The following DNAH5 variants were observed in gnomAD, a reference collection of about 807,000 sequenced individuals.
DNAH5 encodes dynein axonemal heavy chain 5, also known as axonemal beta dynein heavy chain 5.
A neutral mutation model predicts 518.2 loss-of-function variants in DNAH5; 372 were observed. The ratio of observed to expected loss-of-function variants is 0.72; its 90% CI spans 0.66 to 0.78. The LOEUF (loss-of-function observed/expected upper bound fraction) is 0.78. Among genes scored for constraint, DNAH5 ranks in the 30% least tolerant of loss-of-function variants. The pLI, the probability that DNAH5 is intolerant of heterozygous loss-of-function variation, is 0.00. For missense variants in DNAH5, 5,523 were observed against 5,687.0 expected, an observed-to-expected ratio of 0.97 and a Z score of 0.93; for synonymous variants, 2,039 against 2,025.9, an observed-to-expected ratio of 1.01 and a Z score of -0.17.
rs1489369415 is a variant in DNAH5 at position 13,737,309 on chromosome 5, C to T, written c.11398G>A (p.Glu3800Lys). ...RTAEEVTQKL[E>K]ISAETEVQIN... ...TGAACTTCTGTCTCAGCAGAAATTT[C>T]TAGCTTCTGTGTCACCTCCTCGGCT... The change falls in exon 66 of 79, where the codon GAA becomes AAA. Residue 3800 changes from glutamate (E) to lysine (K), a missense_variant. Around this residue, in one of 3 missense-constraint regions of DNAH5, gnomAD observed 5,121 missense variants for 5,223.3 expected, o/e 0.98. Transcript: ENST00000265104. 1 of 1,613,994 alleles carries T rather than the reference C, an allele frequency of 6.2e-7. No individual in the cohort carries two copies. Among genetic ancestry groups the T allele is most frequent in the Non-Finnish European group, 8.5e-7 (1 of 1,179,986 alleles).
intron 76 of DNAH5, among the ~76,000 whole-genome samples, chr5:13,702,917 C>T (rs1014436579): frequency 6.6e-6 from 1 of 152,018 alleles, no homozygotes; most frequent in Non-Finnish European, 1.5e-5. Context: ...GAGGCCAACC[C>T]TCTATCCTCC....
At chr5:13,894,427 A>T (rs1773652377) in intron 16 of DNAH5, among the ~76,000 whole-genome samples, 1 of 152,224 alleles carries the variant, frequency 6.6e-6, no homozygotes, top group Non-Finnish European at 1.5e-5. Context: ...AAATAAATGA[A>T]AATATGTGGT....
At chr5:13,864,871 G>C (rs1225627404) in intron 27 of DNAH5, among the ~76,000 whole-genome samples, 9 of 152,030 alleles carry the variant, frequency 5.9e-5, no homozygotes. Context: ...CTATTACCTA[G>C]TTAGAGGCAT....
intron 21 of DNAH5, among the ~76,000 whole-genome samples, chr5:13,881,435 A>G (rs1771669215): frequency 1.3e-5 from 2 of 152,056 alleles, no homozygotes; most frequent in Non-Finnish European, 2.9e-5. Context: ...AAATTACAAC[A>G]AATTTGATCT....
chr5:13,701,164 T>C (rs1468622742), intron 77 of DNAH5, 120 bp downstream of exon 77: 18 of 1,352,914 alleles, frequency 1.3e-5, no homozygotes, highest in Non-Finnish European at 1.9e-5. Flanking sequence ...ACAATGTAAC[T>C]GCTAGTACCA....
chr5:13,786,463 A>T, intron 51 of DNAH5, 112 bp from the exon 52 acceptor site: 2 of 1,120,312 alleles, frequency 1.8e-6, no homozygotes, highest in Non-Finnish European at 1.3e-6. Context: ...CATTCATTTT[A>T]AGCTAAATGC....
chr5:13,775,139 T>G (rs916305067), intron 55 of DNAH5, among the ~76,000 whole-genome samples: 2 of 151,454 alleles, frequency 1.3e-5, no homozygotes, highest in African/African-American at 2.4e-5. Flanking sequence ...TTTTGTTTTT[T>G]TTTTTTTTCA....
intron 35 of DNAH5, among the ~76,000 whole-genome samples, chr5:13,833,095 G>C (rs1278871473): frequency 1.5e-5 from 2 of 131,012 alleles, no homozygotes; most frequent in Non-Finnish European, 3.2e-5. Context: ...TGTTTAAGGA[G>C]AAACCAAAGA....
Position 13,707,174 on chromosome 5 carries a change from G to A in DNAH5, c.13338+949C>T, listed in dbSNP as rs754415099. 1.8e-4 allele frequency among the ~76,000 whole-genome samples: 27 copies of A among 152,334 alleles called. No individual in the cohort carries two copies. Among genetic ancestry groups the A allele is most frequent in the South Asian group, 6.2e-4 (3 of 4,830 alleles). ...CAGACACCGCTGACAGCGGGACGAC[G>A]TGGAATTTGCTCAGGCATGGTCAGA... On this transcript the variant is annotated intron_variant, in intron 76 of 78. Coordinates refer to ENST00000265104, the MANE Select transcript of DNAH5 (RefSeq NM_001369.3). The surrounding 1 kb of genome is among the most constrained non-coding windows in gnomAD (Gnocchi z 4.0).
At chr5:13,921,115 T>C (rs1777209119) in intron 5 of DNAH5, among the ~76,000 whole-genome samples, 1 of 152,204 alleles carries the variant, frequency 6.6e-6, no homozygotes, top group South Asian at 2.1e-4. Context: ...ACATGTAGAA[T>C]GCCAACAATT....
At chr5:13,760,049 A>AT (rs1001870839) in intron 60 of DNAH5, among the ~76,000 whole-genome samples, 14 of 152,158 alleles carry the variant, frequency 9.2e-5, no homozygotes, top group African/African-American at 3.1e-4. Flanking sequence ...CTGGTGGAAC[A>AT]TTTTTTCCTC....
intron 1 of DNAH5, among the ~76,000 whole-genome samples, chr5:13,994,656 C>T (rs1450666245): frequency 6.6e-6 from 1 of 152,164 alleles, no homozygotes; most frequent in Non-Finnish European, 1.5e-5. Flanking sequence ...GTCAAATAGT[C>T]TCTTCTGCTC....
intron 38 of DNAH5, among the ~76,000 whole-genome samples, chr5:13,826,141 G>A (rs1398372683): frequency 1.3e-5 from 2 of 152,170 alleles, no homozygotes; most frequent in Non-Finnish European, 2.9e-5. Flanking sequence ...TTAAATCTGT[G>A]GGCATGAAGG....
At chr5:13,737,063 G>A (rs1482698752) in intron 66 of DNAH5, among the ~76,000 whole-genome samples, 189 bp downstream of exon 66, 2 of 152,040 alleles carry the variant, frequency 1.3e-5, no homozygotes, top group Non-Finnish European at 2.9e-5. Flanking sequence ...CAAGTACCCA[G>A]GAAATTTATA....
At chr5:13,763,025 G>T in intron 59 of DNAH5, 124 bp from the exon 60 acceptor site, 1 of 852,160 alleles carries the variant, frequency 1.2e-6, no homozygotes, top group Non-Finnish European at 1.9e-6. Context: ...ATCATATTTT[G>T]TCACTATTTT....
In DNAH5 at chr5:13,922,001, T is replaced by C. The variant is rs554208405; in HGVS notation, c.660+106A>G. 5.1e-5 allele frequency: 64 copies of C among 1,252,274 alleles called. No individual in the cohort carries two copies. The South Asian group carries it at 7.4e-4, about 15-fold the overall frequency. The allele number at this position is 1,252,274 out of a possible 1,614,324, so 77.6% of individuals were successfully genotyped here. ...TTGCCTACAAAAATTTTTGAAGAAC[T>C]GAAACATAGAGGAATTAAGACCATC... On this transcript the variant is annotated intron_variant, in intron 5 of 78. Coordinates refer to ENST00000265104, the MANE Select transcript of DNAH5 (RefSeq NM_001369.3).
Position 13,902,086 on chromosome 5 carries a change from T to G in DNAH5, c.1697A>C (p.Asn566Thr). 6.2e-7 allele frequency: 1 copy of G among 1,608,786 alleles called. No homozygotes were observed. The highest frequency in any genetic ancestry group is 8.5e-7 in the Non-Finnish European group (1 of 1,176,860). ...DVTFAKIQNT[N>T]QALRMLKKFE... ...TTTCTTCAACATTCTTAGAGCTTGA[T>G]TTGTGTTTTGAATCTTTGCAAATGT... Residue 566 changes from asparagine (N) to threonine (T), a missense_variant, in exon 13 of 79, where the codon AAT becomes ACT. By Grantham distance (65) the Asn-to-Thr change is moderately conservative. Around this residue, in one of 3 missense-constraint regions of DNAH5, gnomAD observed 5,121 missense variants for 5,223.3 expected, o/e 0.98. Transcript: ENST00000265104.
intron 78 of DNAH5, among the ~76,000 whole-genome samples, chr5:13,693,264 T>G (rs975310556): frequency 1.3e-5 from 2 of 152,218 alleles, no homozygotes; most frequent in African/African-American, 4.8e-5. Context: ...TGAATTAATG[T>G]TACAAACATG....
At chr5:13,913,327 A>G (rs1332166422) in intron 11 of DNAH5, among the ~76,000 whole-genome samples, 1 of 152,088 alleles carries the variant, frequency 6.6e-6, no homozygotes, top group Non-Finnish European at 1.5e-5. Flanking sequence ...ATTTTTTAAT[A>G]TGGGTCCAAA....
Sources: gnomAD v4.1 joint callset for allele counts (sites outside exome capture counted in the v4.1 genomes callset) on GRCh38, gnomAD v4.1.1 for gene constraint, gnomAD v4.1.1 regional missense constraint, Gnocchi (gnomAD v3.1) non-coding constraint, MANE v1.5 for transcripts, NCBI Gene and HGNC (gene_info 2026-07-23, HGNC 2026-07-21) for gene names.